Variants in DOK6 observed in about 807,000 individuals in gnomAD.
DOK6 encodes downstream of tyrosine kinase 6.
DOK6 carries 22 observed loss-of-function variants against 44.0 expected under a neutral mutation model. That is an observed-to-expected ratio of 0.50 (90% confidence interval 0.36 to 0.71). The LOEUF (loss-of-function observed/expected upper bound fraction) is 0.71, where lower values mean the gene tolerates loss of function less well. Among genes scored for constraint, DOK6 ranks in the 30% least tolerant of loss-of-function variants. The probability of loss-of-function intolerance (pLI) is 0.00; values close to 1 mark genes in which losing one functional copy is unlikely to be tolerated. For synonymous variants in DOK6, 166 were observed against 145.5 expected (o/e 1.14, Z -1.01); for missense variants, 340 against 416.4 (o/e 0.82, Z 1.60).
chr18:69,734,393 CAAAA>C (rs60831756), intron 5 of DOK6, among the ~76,000 whole-genome samples: 1,687 of 48,532 alleles, frequency 0.035, 15 homozygotes, highest in African/African-American at 0.1. Flanking sequence ...TTCATAGCAG[CAAAA>C]AAAAAAAAAA....
intron 2 of DOK6, among the ~76,000 whole-genome samples, chr18:69,576,775 T>C (rs1983248279): frequency 2.0e-5 from 3 of 152,164 alleles, no homozygotes; most frequent in Admixed American, 2.0e-4. Context: ...TAACAGATAT[T>C]GAAAACAAAT....
In DOK6 at chr18:69,739,043, G is replaced by T. The variant is rs777909057; in HGVS notation, c.678G>T (p.Ala226=). The T allele has an allele frequency of 1.9e-6, 3 of 1,614,064 alleles. No individual in the cohort carries two copies. The highest frequency in any genetic ancestry group is 2.5e-6 in the Non-Finnish European group (3 of 1,179,948). Residue 226 remains alanine, a synonymous_variant, in exon 6 of 8, where the codon GCG becomes GCT. Coordinates refer to ENST00000382713, the MANE Select transcript of DOK6 (RefSeq NM_152721.6). ...GEMIYQKVHS[A]TLAIAEQHER... is the part of the protein sequence containing the mutation. ...TGATCTATCAGAAGGTTCATTCTGCGACACTGGCCATAGCTGAGCAACATG... is the reference window on the plus strand; with the variant it reads ...TGATCTATCAGAAGGTTCATTCTGCTACACTGGCCATAGCTGAGCAACATG...
intron 4 of DOK6, 58 bp from the exon 5 acceptor site, chr18:69,698,346 G>A (rs1599269897): frequency 2.7e-6 from 4 of 1,474,156 alleles, no homozygotes; most frequent in Non-Finnish European, 2.8e-6. Flanking sequence ...ATATCGTATG[G>A]CCATAGACAC....
rs574888607 is a variant in DOK6, at chr18:69,459,108, C to A, written c.66+57798C>A. Among the ~76,000 whole-genome samples the A allele has an allele frequency of 1.4e-4, 17 of 120,658 alleles. No individual in the cohort carries two copies. In the South Asian group the frequency reaches 2.2e-3, roughly 16 times the overall value. The allele number at this position is 120,658 out of a possible 152,430, so 79.2% of individuals were successfully genotyped here. Reference sequence around the variant, plus strand: ...GAGACTCCCCCCAACAACCCCCCCCCCAAAAAAAAGGAAGGAAGGAAGCAG... The same window carrying A: ...GAGACTCCCCCCAACAACCCCCCCCACAAAAAAAAGGAAGGAAGGAAGCAG... On this transcript the variant is annotated intron_variant, in intron 1 of 7. Transcript: ENST00000382713.
intron 1 of DOK6, among the ~76,000 whole-genome samples, chr18:69,515,172 TGTGTA>T (rs1440184622): frequency 6.6e-6 from 1 of 152,224 alleles, no homozygotes; most frequent in African/African-American, 2.4e-5. Flanking sequence ...AGTGCTTAAT[TGTGTA>T]GTTTAGTGAG....
intron 3 of DOK6, among the ~76,000 whole-genome samples, chr18:69,600,861 G>A (rs1456306343): frequency 6.6e-6 from 1 of 152,078 alleles, no homozygotes; most frequent in Non-Finnish European, 1.5e-5. Flanking sequence ...GTTTGGAAAG[G>A]TATTGACCTA....
At chr18:69,795,656 A>G (rs1393721399) in intron 7 of DOK6, among the ~76,000 whole-genome samples, 4 of 152,180 alleles carry the variant, frequency 2.6e-5, no homozygotes, top group Non-Finnish European at 4.4e-5. Flanking sequence ...GCTAGGCAAA[A>G]GGCCAGGCCC....
At chr18:69,550,233 A>C (rs149264532) in intron 1 of DOK6, among the ~76,000 whole-genome samples, 1,720 of 152,218 alleles carry the variant, frequency 0.011, 30 homozygotes, top group African/African-American at 0.039. Flanking sequence ...AGGTATATCT[A>C]AACAACAACC....
chr18:69,464,662 G>A (rs528890641), intron 1 of DOK6, among the ~76,000 whole-genome samples: 1 of 152,060 alleles, frequency 6.6e-6, no homozygotes, highest in Non-Finnish European at 1.5e-5. Context: ...AAAACACTGC[G>A]GATATTTCTT....
chr18:69,584,968 C>A (rs1983465397), intron 2 of DOK6, among the ~76,000 whole-genome samples: 1 of 151,636 alleles, frequency 6.6e-6, no homozygotes, highest in Admixed American at 6.6e-5. Context: ...ATCTAGCTTG[C>A]CAGAGGTCTC....
intron 3 of DOK6, among the ~76,000 whole-genome samples, chr18:69,674,297 A>G (rs911671398): frequency 3.3e-5 from 5 of 152,244 alleles, no homozygotes; most frequent in Admixed American, 6.5e-5. Flanking sequence ...AGCTCCAAGT[A>G]TACAGACTAC....
At chr18:69,521,446 TA>T (rs74175371) in intron 1 of DOK6, among the ~76,000 whole-genome samples, 1,768 of 146,772 alleles carry the variant, frequency 0.012, 20 homozygotes, top group African/African-American at 0.037. Flanking sequence ...TACAGTCATT[TA>T]AAAAAAAAAA....
At chr18:69,838,994 CT>C (rs1243134479) in intron 7 of DOK6, among the ~76,000 whole-genome samples, 1 of 150,998 alleles carries the variant, frequency 6.6e-6, no homozygotes, top group African/African-American at 2.4e-5. Flanking sequence ...AGATTCTCCC[CT>C]AACTCCTCCC....
chr18:69,783,580 T>C (rs1599323980), intron 7 of DOK6, among the ~76,000 whole-genome samples: 1 of 152,146 alleles, frequency 6.6e-6, no homozygotes, highest in Admixed American at 6.5e-5. Context: ...GATCAACCAA[T>C]TGTGAGTTCC....
chr18:69,762,777 A>T (rs1317904842), intron 7 of DOK6, among the ~76,000 whole-genome samples: 1 of 152,156 alleles, frequency 6.6e-6, no homozygotes, highest in East Asian at 1.9e-4. Flanking sequence ...GTCAGCCTCA[A>T]AGCTTTGACT....
intron 4 of DOK6, among the ~76,000 whole-genome samples, chr18:69,691,257 T>G (rs1051465603): frequency 7.2e-5 from 11 of 152,012 alleles, no homozygotes; most frequent in African/African-American, 2.7e-4. Flanking sequence ...TTTCTTGTTG[T>G]CTCTGTATTG....
intron 3 of DOK6, among the ~76,000 whole-genome samples, chr18:69,646,509 G>T (rs1206535787): frequency 2.6e-5 from 4 of 152,100 alleles, no homozygotes; most frequent in African/African-American, 9.7e-5. Flanking sequence ...TAAATACTGT[G>T]TTTTTCAAAA....
intron 5 of DOK6, among the ~76,000 whole-genome samples, chr18:69,734,843 G>A (rs930507001): frequency 3.3e-5 from 5 of 152,064 alleles, no homozygotes; most frequent in South Asian, 2.1e-4. Context: ...TTTTTGACTT[G>A]GTAAATTTCT....
intron 6 of DOK6, among the ~76,000 whole-genome samples, 169 bp from the exon 7 acceptor site, chr18:69,757,586 AT>A: frequency 7.7e-6 from 1 of 129,184 alleles, no homozygotes; most frequent in South Asian, 2.5e-4. Flanking sequence ...TATTCCTTTC[AT>A]ATTTTTGAGT....
Sources: gnomAD v4.1 joint callset for allele counts (sites outside exome capture counted in the v4.1 genomes callset) on GRCh38, gnomAD v4.1.1 for gene constraint, MANE v1.5 for transcripts, NCBI Gene and HGNC (gene_info 2026-07-23, HGNC 2026-07-21) for gene names.